The following RERE variants were observed in gnomAD, a reference collection of about 807,000 sequenced individuals.
RERE encodes arginine-glutamic acid dipeptide repeats.
In RERE, 40 loss-of-function variants were observed where a neutral mutation model predicts 146.1. The ratio of observed to expected loss-of-function variants is 0.27; its 90% CI spans 0.21 to 0.36. The LOEUF is 0.36. Among genes scored for constraint, RERE ranks in the 10% least tolerant of loss-of-function variants. The pLI is 1.00. For synonymous variants in RERE, 1,003 were observed against 866.0 expected (o/e 1.16, Z -2.78); for missense variants, 1,933 against 2,138.7 (o/e 0.90, Z 1.90).
At chr1:8,598,088 T>C (rs1235904387) in intron 4 of RERE, among the ~76,000 whole-genome samples, 1 of 152,126 alleles carries the variant, frequency 6.6e-6, no homozygotes, top group African/African-American at 2.4e-5. Context: ...GGCAGCTGAA[T>C]AAAACAAGCT....
At chr1:8,779,175 T>A (rs1007268306) in intron 1 of RERE, among the ~76,000 whole-genome samples, 4 of 151,882 alleles carry the variant, frequency 2.6e-5, no homozygotes, top group Non-Finnish European at 4.4e-5. Context: ...ATGTGTAACA[T>A]CACTTAGACT....
chr1:8,364,122 G>T lies in RERE; in HGVS notation c.1674C>A (p.Pro558=), dbSNP rs372438002. The T allele has an allele frequency of 1.2e-6, 2 of 1,614,146 alleles. No individual in the cohort carries two copies. Among genetic ancestry groups the T allele is most frequent in the South Asian group, 2.2e-5 (2 of 91,084 alleles). The change falls in exon 15 of 23, where the codon CCC becomes CCA. Residue 558 remains proline (P), a synonymous_variant. Coordinates refer to ENST00000400908, the MANE Select transcript of RERE (RefSeq NM_001042681.2). The surrounding 1 kb of genome is among the most constrained non-coding windows in gnomAD (Gnocchi z 5.1). ...TGAGCCCATCATCCTCTTCCTTGAC[G>T]GGTTTGAACATAAACGGTGGCGGGT... ...PVDPPPFMFK[P]VKEEDDGLSG... is the part of the protein sequence containing the mutation.
chr1:8,523,285 T>C (rs1645527789), intron 7 of RERE, among the ~76,000 whole-genome samples: 1 of 152,242 alleles, frequency 6.6e-6, no homozygotes, highest in Non-Finnish European at 1.5e-5. Flanking sequence ...AAACTTATGT[T>C]GACAGAGGAA....
intron 12 of RERE, among the ~76,000 whole-genome samples, chr1:8,406,502 G>A (rs1014452375): frequency 3.9e-5 from 6 of 152,054 alleles, no homozygotes; most frequent in Non-Finnish European, 1.5e-5. Flanking sequence ...AACCACACAC[G>A]CACACACACA....
intron 1 of RERE, among the ~76,000 whole-genome samples, chr1:8,716,392 C>T (rs1200297371): frequency 1.3e-5 from 2 of 151,970 alleles, no homozygotes; most frequent in Non-Finnish European, 1.5e-5. Context: ...ATCACTTGAG[C>T]CTGGGAGGTC....
chr1:8,738,608 T>C (rs968326270), intron 1 of RERE, among the ~76,000 whole-genome samples: 1 of 152,128 alleles, frequency 6.6e-6, no homozygotes, highest in Non-Finnish European at 1.5e-5. Flanking sequence ...ACCCACCACA[T>C]TGCCCAGCAG....
intron 12 of RERE, among the ~76,000 whole-genome samples, chr1:8,419,214 T>C (rs1388231937): frequency 6.6e-6 from 1 of 152,208 alleles, no homozygotes; most frequent in East Asian, 1.9e-4. Flanking sequence ...GTAGTTATTC[T>C]CTTGGGTACC....
At chr1:8,401,041 AT>A (rs2124440933) in intron 12 of RERE, among the ~76,000 whole-genome samples, 1 of 37,168 alleles carries the variant, frequency 2.7e-5, no homozygotes, top group African/African-American at 2.5e-4. Flanking sequence ...AAAAAACCAT[AT>A]ATATATATAT....
rs529114753 is a variant in RERE at position 8,629,120 on chromosome 1, G to A, written c.326-4740C>T. 2.3e-3 allele frequency among the ~76,000 whole-genome samples: 343 copies of A among 152,328 alleles called. 1 individual carries two copies. Among genetic ancestry groups the A allele is most frequent in the African/African-American group, 7.8e-3 (326 of 41,564 alleles). On this transcript the variant is annotated intron_variant, in intron 2 of 22. Coordinates refer to ENST00000400908, the MANE Select transcript of RERE (RefSeq NM_001042681.2). The stretch of plus-strand genomic sequence containing the variant: ...TTTAAATCTTCAAATCAGCATGCCT[G>A]TAATGGGCCAGAAAAATGAGTGAGG...
chr1:8,414,240 G>T (rs1373378681), intron 12 of RERE, among the ~76,000 whole-genome samples: 1 of 151,592 alleles, frequency 6.6e-6, no homozygotes, highest in Non-Finnish European at 1.5e-5. Flanking sequence ...TTGTCAACTG[G>T]GATAGTTTAG....
chr1:8,680,695 T>C (rs1638945174), intron 1 of RERE, among the ~76,000 whole-genome samples: 1 of 152,134 alleles, frequency 6.6e-6, no homozygotes, highest in Admixed American at 6.5e-5. Flanking sequence ...ATGGGTCCTT[T>C]AGAGAAAAGA....
intron 4 of RERE, among the ~76,000 whole-genome samples, chr1:8,590,619 C>G (rs1646480787): frequency 6.6e-6 from 1 of 152,210 alleles, no homozygotes; most frequent in Non-Finnish European, 1.5e-5. Flanking sequence ...GGTACCTATG[C>G]TGCTGGAAAT....
At chr1:8,623,225 TCA>T in intron 3 of RERE, among the ~76,000 whole-genome samples, 1 of 152,186 alleles carries the variant, frequency 6.6e-6, no homozygotes, top group African/African-American at 2.4e-5. Flanking sequence ...AGCAGGCAAA[TCA>T]CTTGAGGTCA....
chr1:8,667,881 T>C (rs55875932), intron 1 of RERE, among the ~76,000 whole-genome samples: 4,210 of 152,300 alleles, frequency 0.028, 176 homozygotes, highest in African/African-American at 0.095. Context: ...CAATTAACAT[T>C]TGGGGACAGA....
intron 2 of RERE, among the ~76,000 whole-genome samples, chr1:8,644,908 A>G (rs1314722705): frequency 2.0e-5 from 3 of 152,190 alleles, no homozygotes; most frequent in African/African-American, 7.2e-5. Context: ...AAATCAGTCT[A>G]TCTCTTCTTT....
intron 1 of RERE, among the ~76,000 whole-genome samples, chr1:8,713,369 G>A (rs1352583057): frequency 6.6e-6 from 1 of 152,186 alleles, no homozygotes; most frequent in Non-Finnish European, 1.5e-5. Flanking sequence ...AAAAAAGGCA[G>A]ATTAACTTTA....
At chr1:8,605,986 T>C (rs1281283361) in intron 4 of RERE, among the ~76,000 whole-genome samples, 1 of 151,550 alleles carries the variant, frequency 6.6e-6, no homozygotes, top group Non-Finnish European at 1.5e-5. Flanking sequence ...CAGATAACTT[T>C]TGAATTTTTT....
At chr1:8,381,778 C>T (rs535131229) in intron 12 of RERE, among the ~76,000 whole-genome samples, 1 of 152,276 alleles carries the variant, frequency 6.6e-6, no homozygotes, top group African/African-American at 2.4e-5. Context: ...TGCACATACA[C>T]GTATGCACTA....
chr1:8,564,870 G>A (rs56033737), intron 4 of RERE, among the ~76,000 whole-genome samples: 17,251 of 127,044 alleles, frequency 0.14, 1,322 homozygotes, highest in Middle Eastern at 0.2. Flanking sequence ...GTGTGTGTGT[G>A]TATATATATA....
Sources: gnomAD v4.1 joint callset for allele counts (sites outside exome capture counted in the v4.1 genomes callset) on GRCh38, gnomAD v4.1.1 for gene constraint, Gnocchi (gnomAD v3.1) non-coding constraint, MANE v1.5 for transcripts, NCBI Gene and HGNC (gene_info 2026-07-23, HGNC 2026-07-21) for gene names.